STK32B: variants seen among roughly 807,000 people sequenced by gnomAD.
STK32B encodes serine/threonine kinase 32B.
Under a neutral mutation model 52.6 loss-of-function variants are expected in STK32B, and 43 were observed. The ratio of observed to expected loss-of-function variants is 0.82; its 90% CI spans 0.64 to 1.05. The LOEUF (loss-of-function observed/expected upper bound fraction) is 1.05, where lower values mean the gene tolerates loss of function less well. Ranked by LOEUF, STK32B falls within the 50% of genes least tolerant of loss-of-function variation. The probability of loss-of-function intolerance (pLI) is 0.00; values close to 1 mark genes in which losing one functional copy is unlikely to be tolerated. For synonymous variants in STK32B, 238 were observed against 204.3 expected (o/e 1.17, Z -1.41); for missense variants, 621 against 534.6 (o/e 1.16, Z -1.59).
At chr4:5,315,957 G>T (rs946046014) in intron 3 of STK32B, among the ~76,000 whole-genome samples, 2 of 150,080 alleles carry the variant, frequency 1.3e-5, no homozygotes, top group African/African-American at 4.9e-5. Flanking sequence ...TGCCTGCCTC[G>T]GCCTCCCAAA....
intron 3 of STK32B, among the ~76,000 whole-genome samples, chr4:5,289,177 A>G (rs1326392384): frequency 1.3e-5 from 2 of 152,242 alleles, no homozygotes; most frequent in African/African-American, 4.8e-5. Flanking sequence ...GTAGGATGTT[A>G]CTGTACTAAA....
At chr4:5,142,859 T>C (rs9784547) in intron 2 of STK32B, among the ~76,000 whole-genome samples, 3,970 of 152,282 alleles carry the variant, frequency 0.026, 157 homozygotes, top group African/African-American at 0.09. Context: ...AGTTAAGAAG[T>C]TGATTCTCCA....
At chr4:5,258,346 C>T (rs1726472698) in intron 3 of STK32B, among the ~76,000 whole-genome samples, 2 of 152,094 alleles carry the variant, frequency 1.3e-5, no homozygotes, top group South Asian at 4.1e-4. Flanking sequence ...GGTTTGGAGA[C>T]AATTATGAGA....
At chr4:5,132,798 T>C (rs1715857425) in intron 1 of STK32B, among the ~76,000 whole-genome samples, 1 of 134,302 alleles carries the variant, frequency 7.4e-6, no homozygotes, top group Non-Finnish European at 1.7e-5. Context: ...AATTTACCAC[T>C]TTTTTTTTTT....
intron 1 of STK32B, among the ~76,000 whole-genome samples, chr4:5,079,978 G>A (rs1015416589): frequency 6.6e-6 from 1 of 152,040 alleles, no homozygotes; most frequent in Non-Finnish European, 1.5e-5. Context: ...GAATATAGGG[G>A]GCTGTTGGCT....
intron 3 of STK32B, among the ~76,000 whole-genome samples, chr4:5,237,616 G>T (rs2108813277): frequency 6.6e-6 from 1 of 152,314 alleles, no homozygotes; most frequent in East Asian, 1.9e-4. Context: ...AAGAGAAATG[G>T]AAATCTGTGC....
intron 6 of STK32B, among the ~76,000 whole-genome samples, chr4:5,446,417 T>C (rs1419327843): frequency 6.6e-6 from 1 of 152,014 alleles, no homozygotes; most frequent in Non-Finnish European, 1.5e-5. Flanking sequence ...AATATCACAA[T>C]TAGCCAGGCA....
At chr4:5,409,191 G>C (rs1350657101) in intron 5 of STK32B, among the ~76,000 whole-genome samples, 1 of 152,006 alleles carries the variant, frequency 6.6e-6, no homozygotes, top group Non-Finnish European at 1.5e-5. Flanking sequence ...TCGAAATCTC[G>C]GCCAGAACCC....
At chr4:5,466,855 G>A (rs541033241) in intron 10 of STK32B, 21 bp downstream of exon 10, 35 of 1,607,420 alleles carry the variant, frequency 2.2e-5, no homozygotes, top group East Asian at 2.2e-5. Context: ...CGTGGGAGCC[G>A]TTCCGGGAGA....
chr4:5,281,392 G>A (rs1187149999), intron 3 of STK32B, among the ~76,000 whole-genome samples: 1 of 152,078 alleles, frequency 6.6e-6, no homozygotes, highest in Non-Finnish European at 1.5e-5. Context: ...GTTGAACAAT[G>A]AGAACACATG....
the STK32B span, among the ~76,000 whole-genome samples, chr4:5,036,706 C>T: frequency 3.4e-5 from 4 of 117,556 alleles, no homozygotes; most frequent in African/African-American, 1.3e-4. Context: ...CTTGCTCTGT[C>T]ATCCAGGCTG....
At chr4:5,055,434 C>T (rs1290173294) in intron 1 of STK32B, among the ~76,000 whole-genome samples, 1 of 152,052 alleles carries the variant, frequency 6.6e-6, no homozygotes, top group Non-Finnish European at 1.5e-5. Context: ...CTCCCTAAGT[C>T]CTTACATGGT....
At chr4:5,173,956 A>G (rs1405970022) in intron 3 of STK32B, among the ~76,000 whole-genome samples, 1 of 152,128 alleles carries the variant, frequency 6.6e-6, no homozygotes, top group African/African-American at 2.4e-5. Context: ...TTTGTAGGTC[A>G]CTAAGGACTT....
At chr4:5,287,048 G>A (rs1306954273) in intron 3 of STK32B, among the ~76,000 whole-genome samples, 8 of 151,958 alleles carry the variant, frequency 5.3e-5, no homozygotes, top group Non-Finnish European at 1.0e-4. Flanking sequence ...CGCCCACCTC[G>A]GCCTCCCAAA....
chr4:5,105,590 G>A (rs1419439700), intron 1 of STK32B, among the ~76,000 whole-genome samples: 2 of 151,828 alleles, frequency 1.3e-5, no homozygotes, highest in African/African-American at 4.8e-5. Flanking sequence ...CTGAGACGGA[G>A]TATCGCACTC....
chr4:5,454,418 G>C (rs7673223), intron 7 of STK32B, among the ~76,000 whole-genome samples: 8,493 of 152,032 alleles, frequency 0.056, 447 homozygotes, highest in African/African-American at 0.14. Flanking sequence ...TGGCTGTCTT[G>C]TTCACATCGT....
At chr4:5,041,039 C>T in the STK32B span, among the ~76,000 whole-genome samples, 2 of 152,156 alleles carry the variant, frequency 1.3e-5, no homozygotes, top group South Asian at 2.1e-4. Flanking sequence ...GTGACTGTGT[C>T]TAGTGCCTTT....
In STK32B at chr4:5,398,411, C is replaced by T. The variant is rs1257359198; in HGVS notation, c.472+167C>T. 6.6e-6 allele frequency among the ~76,000 whole-genome samples: 1 copy of T among 152,150 alleles called. No individual in the cohort carries two copies. The highest frequency in any genetic ancestry group is 2.4e-5 in the African/African-American group (1 of 41,428). On this transcript the variant is annotated intron_variant, in intron 5 of 11. Transcript: ENST00000282908. The surrounding 1 kb of genome is among the most constrained non-coding windows in gnomAD (Gnocchi z 4.9). ...ATCAACATCTGTGTAAATTTCTGGTCCATGTCCTGCCGTGGTAAGTTGAAT... is the reference window on the plus strand; with the variant it reads ...ATCAACATCTGTGTAAATTTCTGGTTCATGTCCTGCCGTGGTAAGTTGAAT...
Position 5,178,823 on chromosome 4 carries a change from C to A in STK32B, c.260+10373C>A, listed in dbSNP as rs149169310. Among the ~76,000 whole-genome samples the A allele has an allele frequency of 6.3e-4, 96 of 152,328 alleles. 1 individual carries two copies. In the Middle Eastern group the frequency reaches 0.02, roughly 32 times the overall value. On this transcript the variant is annotated intron_variant, in intron 3 of 11. Transcript: ENST00000282908. ...AGCCTGGACTTAATTGCCCATATCA[C>A]TATCAGCATTTTGGGCAAAACCAAC...
Sources: allele counts gnomAD v4.1 joint callset (sites outside exome capture counted in the v4.1 genomes callset), GRCh38; gene constraint gnomAD v4.1.1; non-coding constraint Gnocchi (gnomAD v3.1); transcripts MANE v1.5; gene names NCBI Gene and HGNC (gene_info 2026-07-23, HGNC 2026-07-21).